The following SNX1 variants were observed in gnomAD, a reference collection of about 807,000 sequenced individuals.
SNX1 encodes the protein sorting nexin 1, also known as sorting nexin-1.
In SNX1, 36 loss-of-function variants were observed where a neutral mutation model predicts 71.8. The ratio of observed to expected loss-of-function variants is 0.50; its 90% CI spans 0.38 to 0.66. The LOEUF (loss-of-function observed/expected upper bound fraction) is 0.66. Among genes scored for constraint, SNX1 ranks in the 30% least tolerant of loss-of-function variants. SNX1 has a pLI of 0.00. For synonymous variants in SNX1, 254 were observed against 240.7 expected, an observed-to-expected ratio of 1.06 and a Z score of -0.51; for missense variants, 612 against 646.7, an observed-to-expected ratio of 0.95 and a Z score of 0.58.
intron 5 of SNX1, among the ~76,000 whole-genome samples, chr15:64,124,661 C>T (rs926812337): frequency 1.3e-5 from 2 of 152,124 alleles, no homozygotes. Context: ...CTGCTGTCAA[C>T]ATGTTTCTGG....
intron 1 of SNX1, among the ~76,000 whole-genome samples, chr15:64,110,251 C>A (rs539038187): frequency 6.6e-6 from 1 of 152,294 alleles, no homozygotes; most frequent in South Asian, 2.1e-4. Flanking sequence ...TAAGTATGGT[C>A]ATGTCTATCT....
intron 2 of SNX1, among the ~76,000 whole-genome samples, chr15:64,117,504 C>T (rs1227500729): frequency 2.6e-5 from 4 of 152,208 alleles, no homozygotes; most frequent in African/African-American, 9.7e-5. Flanking sequence ...GCAGTCCTCC[C>T]ACCTTGGCCT....
chr15:64,107,311 A>G (rs775473735), intron 1 of SNX1, among the ~76,000 whole-genome samples: 3 of 152,188 alleles, frequency 2.0e-5, no homozygotes, highest in Admixed American at 6.5e-5. Context: ...CTTTGACTGT[A>G]ATGTAAGGGT....
intron 1 of SNX1, among the ~76,000 whole-genome samples, chr15:64,103,666 G>C (rs1482467676): frequency 6.6e-6 from 1 of 152,120 alleles, no homozygotes; most frequent in African/African-American, 2.4e-5. Context: ...TCTCTGAGTG[G>C]TTATAGAGTT....
chr15:64,143,143 T>G lies in SNX1; in HGVS notation c.*5525T>G. The G allele has an allele frequency of 6.0e-6, 1 of 166,908 alleles. No individual in the cohort carries two copies. Among genetic ancestry groups the G allele is most frequent in the Non-Finnish European group, 1.3e-5 (1 of 77,340 alleles). 10.3% of individuals were successfully genotyped at this position (166,908 alleles called of 1,614,324 possible). Reference sequence around the variant, plus strand: ...GGAGGGCGGGAGAAGATAATGGGGATCCCTGGCTCCAAACATAGGAGGACA... The same window carrying G: ...GGAGGGCGGGAGAAGATAATGGGGAGCCCTGGCTCCAAACATAGGAGGACA... On this transcript the variant is annotated 3_prime_UTR_variant, in exon 15 of 15. Coordinates refer to ENST00000559844, the MANE Select transcript of SNX1 (RefSeq NM_003099.5).
At chr15:64,125,732 A>C (rs1469018039) in intron 5 of SNX1, among the ~76,000 whole-genome samples, 1 of 152,246 alleles carries the variant, frequency 6.6e-6, no homozygotes, top group Non-Finnish European at 1.5e-5. Context: ...TTCTTTCTTT[A>C]GAACAAGAGT....
At chr15:64,115,149 AC>A (rs2140142054) in intron 2 of SNX1, among the ~76,000 whole-genome samples, 1 of 152,302 alleles carries the variant, frequency 6.6e-6, no homozygotes, top group South Asian at 2.1e-4. Context: ...TGTAATAGTT[AC>A]CCAGTGATTG....
chr15:64,111,928 C>G (rs2081081852), intron 1 of SNX1, among the ~76,000 whole-genome samples: 1 of 152,150 alleles, frequency 6.6e-6, no homozygotes, highest in Admixed American at 6.6e-5. Context: ...TGAATAAAGG[C>G]TATGGACTGA....
intron 1 of SNX1, among the ~76,000 whole-genome samples, chr15:64,110,587 A>G (rs56106515): frequency 1.3e-5 from 2 of 152,084 alleles, no homozygotes; most frequent in African/African-American, 4.8e-5. Flanking sequence ...TTTTTTTTAG[A>G]GACAGGGCCT....
Position 64,132,731 on chromosome 15 carries a change from A to G in SNX1, c.1221+839A>G, listed in dbSNP as rs73448951. On this transcript the variant is annotated intron_variant, in intron 11 of 14. Transcript: ENST00000559844. The stretch of plus-strand genomic sequence containing the variant: ...CCCGCTCGTTCCCCGTCCCCAACAT[A>G]TCTCCCATTAGGGAGCTTGTGCGTT... Among the ~76,000 whole-genome samples the G allele has an allele frequency of 3.7e-3, 565 of 152,190 alleles. 2 individuals carry two copies. Among genetic ancestry groups the G allele is most frequent in the African/African-American group, 0.013 (537 of 41,520 alleles).
chr15:64,120,491 T>C (rs540373635), intron 4 of SNX1, among the ~76,000 whole-genome samples: 1 of 151,906 alleles, frequency 6.6e-6, no homozygotes, highest in Non-Finnish European at 1.5e-5. Context: ...CCTAACCTGG[T>C]CTCTGGCCAA....
chr15:64,116,878 G>A (rs769651754), intron 2 of SNX1, among the ~76,000 whole-genome samples: 1 of 152,200 alleles, frequency 6.6e-6, no homozygotes, highest in Non-Finnish European at 1.5e-5. Context: ...GAGTCGTTCT[G>A]TTCAACTGAG....
intron 1 of SNX1, among the ~76,000 whole-genome samples, chr15:64,104,296 G>A (rs1336988652): frequency 1.6e-5 from 2 of 126,132 alleles, no homozygotes; most frequent in Non-Finnish European, 3.3e-5. Context: ...TTTTTGGGAC[G>A]GAGTCTCGCT....
At position 64,126,233 on chromosome 15, in the gene SNX1, T is replaced by C; in HGVS notation, c.652+13T>C. 1.2e-6 allele frequency: 2 copies of C among 1,608,920 alleles called. No individual in the cohort carries two copies. The highest frequency in any genetic ancestry group is 1.7e-6 in the Non-Finnish European group (2 of 1,178,580). The stretch of plus-strand genomic sequence containing the variant: ...AAGAGCCTCATAGGTAAGCCTGTGG[T>C]CTTTCATTCCACTTGGATTGTTTTC... On this transcript the variant is annotated intron_variant, in intron 6 of 14. Transcript: ENST00000559844.
Position 64,138,074 on chromosome 15 carries a change from A to T in SNX1, c.*456A>T. The T allele has an allele frequency of 1.3e-6, 2 of 1,535,470 alleles. No individual in the cohort carries two copies. Among genetic ancestry groups the T allele is most frequent in the Non-Finnish European group, 1.7e-6 (2 of 1,146,750 alleles). On this transcript the variant is annotated 3_prime_UTR_variant, in exon 15 of 15. Coordinates refer to ENST00000559844, the MANE Select transcript of SNX1 (RefSeq NM_003099.5). ...AGCAGTTGGGAATCAGGTCTGGAAT[A>T]CTCCTAACCAAGAAGTTGCCCAGGT...
In SNX1 at chr15:64,124,178, A is replaced by G. The variant is rs962854168; in HGVS notation, c.510+632A>G. Among the ~76,000 whole-genome samples the G allele has an allele frequency of 8.9e-5, 11 of 123,548 alleles. 1 individual carries two copies. The highest frequency in any genetic ancestry group is 3.2e-4 in the African/African-American group (11 of 34,548). 81.1% of individuals were successfully genotyped at this position (123,548 alleles called of 152,430 possible). ...TATATATATATATATATATATATAT[A>G]TGACTGTTTTGCTTTGTTTTGAGTT... On this transcript the variant is annotated intron_variant, in intron 5 of 14. Coordinates refer to ENST00000559844, the MANE Select transcript of SNX1 (RefSeq NM_003099.5).
In SNX1 at chr15:64,138,220, C is replaced by A; in HGVS notation, c.*602C>A. The A allele has an allele frequency of 6.7e-7, 1 of 1,499,842 alleles. No individual in the cohort carries two copies. Among genetic ancestry groups the A allele is most frequent in the Non-Finnish European group, 8.8e-7 (1 of 1,134,486 alleles). The allele number at this position is 1,499,842 out of a possible 1,614,324, so 92.9% of individuals were successfully genotyped here. A position where few individuals can be genotyped will look rare whatever the true frequency, so the allele number is the denominator to read the frequency against. ...TGAGGGTCTCAATCTGTTTCGTATTCCCACTTCTTTAGGGAAGGAGTTTTA... is the reference window on the plus strand; with the variant it reads ...TGAGGGTCTCAATCTGTTTCGTATTACCACTTCTTTAGGGAAGGAGTTTTA... On this transcript the variant is annotated 3_prime_UTR_variant, in exon 15 of 15. Transcript: ENST00000559844.
intron 1 of SNX1, among the ~76,000 whole-genome samples, chr15:64,107,408 T>C (rs867944673): frequency 1.3e-5 from 2 of 152,136 alleles, no homozygotes; most frequent in South Asian, 4.1e-4. Context: ...ATCACAGCAG[T>C]GCTTAAAGTA....
Position 64,138,457 on chromosome 15 carries a change from A to ATT in SNX1, c.*843_*844dup. On this transcript the variant is annotated 3_prime_UTR_variant, in exon 15 of 15. Coordinates refer to ENST00000559844, the MANE Select transcript of SNX1 (RefSeq NM_003099.5). ...GCAAGTCTTATATATAACTAAACCTATTTTTGTCACCCATCAAAACACATC... is the reference window on the plus strand; with the variant it reads ...GCAAGTCTTATATATAACTAAACCTATTTTTTTGTCACCCATCAAAACACATC... The ATT allele has an allele frequency of 2.6e-6, 1 of 379,742 alleles. No homozygotes were observed. The highest frequency in any genetic ancestry group is 4.7e-6 in the Non-Finnish European group (1 of 213,594). 23.5% of individuals were successfully genotyped at this position (379,742 alleles called of 1,614,324 possible). A position where few individuals can be genotyped will look rare whatever the true frequency, so the allele number is the denominator to read the frequency against.
Sources: allele counts gnomAD v4.1 joint callset (sites outside exome capture counted in the v4.1 genomes callset), GRCh38; gene constraint gnomAD v4.1.1; transcripts MANE v1.5; gene names NCBI Gene and HGNC (gene_info 2026-07-23, HGNC 2026-07-21).